Variants in ASAP3 observed in about 807,000 individuals in gnomAD.
ASAP3 encodes ArfGAP with SH3 domain, ankyrin repeat and PH domain 3.
A neutral mutation model predicts 118.2 loss-of-function variants in ASAP3; 85 were observed. That is an observed-to-expected ratio of 0.72 (90% CI 0.60 to 0.86). The LOEUF is 0.86. Among genes scored for constraint, ASAP3 ranks in the 40% least tolerant of loss-of-function variants. The pLI, the probability that ASAP3 is intolerant of heterozygous loss-of-function variation, is 0.00. For synonymous variants in ASAP3, 432 were observed against 477.4 expected (o/e 0.90, Z 1.24); for missense variants, 1,026 against 1,175.0 (o/e 0.87, Z 1.85).
rs1382977849 is a variant in ASAP3 at position 23,433,746 on chromosome 1, C to T, written c.1952-53G>A. On this transcript the variant is annotated intron_variant, in intron 19 of 24. Coordinates refer to ENST00000336689, the MANE Select transcript of ASAP3 (RefSeq NM_017707.4). ...GGTCATAGTCAAAGAAACATTACAGCTTAGAGATTAAGACGGGCCTCTGGA... is the reference window on the plus strand; with the variant it reads ...GGTCATAGTCAAAGAAACATTACAGTTTAGAGATTAAGACGGGCCTCTGGA... 7 of 1,609,978 alleles carry T rather than the reference C, an allele frequency of 4.3e-6. No individual in the cohort carries two copies. In the Admixed American group the frequency reaches 8.3e-5, roughly 19 times the overall value.
chr1:23,467,951 C>CAA (rs573411297), intron 1 of ASAP3, among the ~76,000 whole-genome samples: 27 of 52,358 alleles, frequency 5.2e-4, no homozygotes, highest in African/African-American at 8.5e-4. Context: ...GACTCCGTCT[C>CAA]AAAAAAAAAA....
intron 3 of ASAP3, among the ~76,000 whole-genome samples, chr1:23,453,047 G>C (rs991599210): frequency 6.6e-6 from 1 of 152,126 alleles, no homozygotes; most frequent in Non-Finnish European, 1.5e-5. Flanking sequence ...AAGGGGGCAG[G>C]AGGGGAGGCC....
At chr1:23,482,138 G>C (rs1413402718) in intron 1 of ASAP3, among the ~76,000 whole-genome samples, 1 of 152,214 alleles carries the variant, frequency 6.6e-6, no homozygotes, top group Non-Finnish European at 1.5e-5. Flanking sequence ...ATGAGACAAG[G>C]TGAGGCTCTG....
intron 1 of ASAP3, among the ~76,000 whole-genome samples, chr1:23,477,717 T>C (rs1642178696): frequency 6.6e-6 from 1 of 152,144 alleles, no homozygotes. Context: ...TTTCTGTTTG[T>C]TTTGTTTTGT....
chr1:23,455,773 G>C, intron 3 of ASAP3, 108 bp downstream of exon 3: 6 of 1,458,372 alleles, frequency 4.1e-6, no homozygotes, highest in East Asian at 2.3e-5. Context: ...TCAGGTCAGA[G>C]ATCAAGGGCA....
Position 23,438,080 on chromosome 1 carries a change from T to C in ASAP3, c.1103-608A>G, listed in dbSNP as rs921443420. Among the ~76,000 whole-genome samples the C allele has an allele frequency of 3.3e-5, 5 of 152,076 alleles. No individual in the cohort carries two copies. Among genetic ancestry groups the C allele is most frequent in the African/African-American group, 9.7e-5 (4 of 41,396 alleles). On this transcript the variant is annotated intron_variant, in intron 12 of 24. Coordinates refer to ENST00000336689, the MANE Select transcript of ASAP3 (RefSeq NM_017707.4). This position sits in a 1 kb window ranked among gnomAD's most constrained non-coding sequence, Gnocchi z 4.9. ...AGACCCACTCTCCTGCTTCCATGCC[T>C]TTCATCATGCTAATCCTGTCTCCTC... is the stretch of plus-strand genomic sequence containing the variant.
intron 1 of ASAP3, among the ~76,000 whole-genome samples, chr1:23,479,423 AT>A (rs1384803089): frequency 2.6e-5 from 4 of 152,080 alleles, no homozygotes; most frequent in African/African-American, 9.7e-5. Context: ...TTTAAAGCCA[AT>A]TTCCCTCAAT....
rs1558120583 is a variant in ASAP3, at chr1:23,438,101, T to G, written c.1103-629A>C. Among the ~76,000 whole-genome samples, 1 of 151,978 alleles carries G rather than the reference T, an allele frequency of 6.6e-6. No homozygotes were observed. The highest frequency in any genetic ancestry group is 2.4e-5 in the African/African-American group (1 of 41,368). On this transcript the variant is annotated intron_variant, in intron 12 of 24. Transcript: ENST00000336689. This position sits in a 1 kb window ranked among gnomAD's most constrained non-coding sequence, Gnocchi z 4.9. ...TGCCTTTCATCATGCTAATCCTGTC[T>G]CCTCAAAAGCCCCCACCCCACAAAC...
At chr1:23,467,176 T>TATC (rs766118224) in intron 1 of ASAP3, among the ~76,000 whole-genome samples, 1 of 149,708 alleles carries the variant, frequency 6.7e-6, no homozygotes, top group Non-Finnish European at 1.5e-5. Context: ...TTACAGCCAT[T>TATC]ATTATTATTA....
rs1640659397 is a variant in ASAP3 at position 23,436,499 on chromosome 1, T to C, written c.1571+61A>G. ...CTGATCCAAGACTTTTCTACGACCC[T>C]GGACACTGCGGAGGCAGAATCCCCT... On this transcript the variant is annotated intron_variant, in intron 16 of 24. Coordinates refer to ENST00000336689, the MANE Select transcript of ASAP3 (RefSeq NM_017707.4). The surrounding 1 kb of genome is among the most constrained non-coding windows in gnomAD (Gnocchi z 4.2). The C allele has an allele frequency of 6.4e-7, 1 of 1,568,524 alleles. No individual in the cohort carries two copies. The highest frequency in any genetic ancestry group is 8.8e-7 in the Non-Finnish European group (1 of 1,138,928).
chr1:23,467,752 C>A (rs566892542), intron 1 of ASAP3, among the ~76,000 whole-genome samples: 1 of 151,846 alleles, frequency 6.6e-6, no homozygotes, highest in Non-Finnish European at 1.5e-5. Context: ...GAGTTCAAGA[C>A]CACCCTGGTC....
intron 1 of ASAP3, among the ~76,000 whole-genome samples, chr1:23,467,301 C>G (rs761731632): frequency 9.2e-5 from 14 of 151,976 alleles, no homozygotes; most frequent in Admixed American, 2.6e-4. Context: ...CTCCTGGGTT[C>G]ATGCCATTCT....
chr1:23,433,582 G>C (rs190635835), intron 20 of ASAP3, 44 bp downstream of exon 20: 15 of 1,613,614 alleles, frequency 9.3e-6, no homozygotes, highest in South Asian at 6.6e-5. Flanking sequence ...GCTCAGCAGG[G>C]AGAGAGAAAG....
At chr1:23,476,978 T>C (rs1642149983) in intron 1 of ASAP3, among the ~76,000 whole-genome samples, 1 of 152,066 alleles carries the variant, frequency 6.6e-6, no homozygotes, top group Non-Finnish European at 1.5e-5. Flanking sequence ...GTTTCTATTC[T>C]CATAGAAGTC....
chr1:23,431,965 G>C, intron 22 of ASAP3, 47 bp from the exon 23 acceptor site: 1 of 1,535,776 alleles, frequency 6.5e-7, no homozygotes. Context: ...TTTATCACTT[G>C]CTCTGTGCCC....
Position 23,441,558 on chromosome 1 carries a change from C to T in ASAP3, c.748-85G>A, listed in dbSNP as rs1558128024. On this transcript the variant is annotated intron_variant, in intron 8 of 24. Transcript: ENST00000336689. ...AGACCCAGAAGAGCAGAGCAGTAGC[C>T]TCACTCTGTGGGCAGAAGCCAGCTC... The T allele has an allele frequency of 3.1e-6, 5 of 1,599,572 alleles. No individual in the cohort carries two copies. The African/African-American group carries it at 4.0e-5, about 13-fold the overall frequency.
At chr1:23,448,376 C>T (rs1183751642) in intron 5 of ASAP3, among the ~76,000 whole-genome samples, 3 of 152,186 alleles carry the variant, frequency 2.0e-5, no homozygotes, top group Non-Finnish European at 4.4e-5. Flanking sequence ...GAGAATAAAT[C>T]TGGTAATAGA....
intron 19 of ASAP3, 22 bp from the exon 20 acceptor site, chr1:23,433,715 G>C (rs1326961561): frequency 6.2e-7 from 1 of 1,613,852 alleles, no homozygotes; most frequent in Admixed American, 1.7e-5. Context: ...GAAAGTCAGG[G>C]TTCATGGTCA....
In ASAP3 at chr1:23,436,248, T is replaced by C. The variant is rs1213503262; in HGVS notation, c.1572-220A>G. On this transcript the variant is annotated intron_variant, in intron 16 of 24. Transcript: ENST00000336689. The surrounding 1 kb of genome is among the most constrained non-coding windows in gnomAD (Gnocchi z 4.2). The stretch of plus-strand genomic sequence containing the variant: ...CGCAATCTCGTTTCACTACAACCTC[T>C]GCTTCCAGGGTTCAAGCAATTCTAG... 6.6e-6 allele frequency among the ~76,000 whole-genome samples: 1 copy of C among 152,206 alleles called. No individual in the cohort carries two copies. Among genetic ancestry groups the C allele is most frequent in the Non-Finnish European group, 1.5e-5 (1 of 68,038 alleles).
Sources: gnomAD v4.1 joint callset for allele counts (sites outside exome capture counted in the v4.1 genomes callset) on GRCh38, gnomAD v4.1.1 for gene constraint, Gnocchi (gnomAD v3.1) non-coding constraint, MANE v1.5 for transcripts, NCBI Gene and HGNC (gene_info 2026-07-23, HGNC 2026-07-21) for gene names.